Variants in GPR63 observed in about 807,000 individuals in gnomAD.
GPR63 encodes G protein-coupled receptor 63, also known as probable G protein-coupled receptor 63.
In GPR63, 12 loss-of-function variants were observed where a neutral mutation model predicts 23.1. The ratio of observed to expected loss-of-function variants is 0.52; its 90% CI spans 0.33 to 0.84. GPR63 has a LOEUF of 0.84. Among genes scored for constraint, GPR63 ranks in the 40% least tolerant of loss-of-function variants. The pLI, the probability that GPR63 is intolerant of heterozygous loss-of-function variation, is 0.02. For missense variants in GPR63, 472 were observed against 515.6 expected, an observed-to-expected ratio of 0.92 and a Z score of 0.82; for synonymous variants, 172 against 191.1, an observed-to-expected ratio of 0.90 and a Z score of 0.82.
At chr6:96,812,742 T>C (rs1386576797) in intron 1 of GPR63, among the ~76,000 whole-genome samples, 2 of 152,138 alleles carry the variant, frequency 1.3e-5, no homozygotes, top group Non-Finnish European at 2.9e-5. Flanking sequence ...TGCCTATTCA[T>C]GGGGTACATG....
At position 96,798,529 on chromosome 6, in the gene GPR63, C is replaced by G. The variant is rs752190279; in HGVS notation, c.1203G>C (p.Lys401Asn). Residue 401 changes from lysine (K) to asparagine (N), a missense_variant, in exon 2 of 2, where the codon AAG becomes AAC. Physicochemically the swap from Lys to Asn is moderately conservative, Grantham distance 94. Coordinates refer to ENST00000229955, the MANE Select transcript of GPR63 (RefSeq NM_030784.4). The stretch of plus-strand genomic sequence containing the variant: ...AGACAGCACTAGGACGTATCCGTCG[C>G]TTTGTGTGACCAGGGAGCTGCGGCA... ...KFLPQLPGHTKRRIRPSAVYV... is the reference protein window; with the variant it reads ...KFLPQLPGHTNRRIRPSAVYV... The G allele has an allele frequency of 6.2e-7, 1 of 1,614,222 alleles. No homozygotes were observed. Among genetic ancestry groups the G allele is most frequent in the Non-Finnish European group, 8.5e-7 (1 of 1,180,032 alleles).
rs775967111 is a variant in GPR63 at position 96,798,690 on chromosome 6, T to A, written c.1042A>T (p.Asn348Tyr). ...AGCCAGGTGCTAATCTCAAAAAAGT[T>A]GTGCTGATAGTAAAAGTGCTTACTG... Reference protein sequence around the residue: ...TFSKHFYYQHNFFEISTWLLW... With the variant: ...TFSKHFYYQHYFFEISTWLLW... Residue 348 changes from asparagine (N) to tyrosine (Y), a missense_variant, in exon 2 of 2, where the codon AAC (asparagine) becomes TAC (tyrosine). By Grantham distance (143) the Asn-to-Tyr change is moderately radical (BLOSUM62 -2). Coordinates refer to ENST00000229955, the MANE Select transcript of GPR63 (RefSeq NM_030784.4). 3.7e-6 allele frequency: 6 copies of A among 1,614,182 alleles called. No individual in the cohort carries two copies. Among genetic ancestry groups the A allele is most frequent in the Non-Finnish European group, 5.1e-6 (6 of 1,180,028 alleles).
chr6:96,830,447 G>A (rs1286692845), intron 1 of GPR63, among the ~76,000 whole-genome samples: 1 of 152,056 alleles, frequency 6.6e-6, no homozygotes, highest in Non-Finnish European at 1.5e-5. Context: ...TAGTAAAAAG[G>A]AAAATGATAC....
intron 1 of GPR63, among the ~76,000 whole-genome samples, chr6:96,807,350 C>T (rs1031538155): frequency 6.6e-6 from 1 of 152,258 alleles, no homozygotes; most frequent in South Asian, 2.1e-4. Context: ...TGGATACTCA[C>T]TGTGGCAACA....
intron 1 of GPR63, among the ~76,000 whole-genome samples, chr6:96,808,515 G>T (rs1037812195): frequency 6.6e-6 from 1 of 152,108 alleles, no homozygotes. Flanking sequence ...AATCCCAATA[G>T]AACTGAATAT....
At chr6:96,810,928 G>A (rs781196571) in intron 1 of GPR63, among the ~76,000 whole-genome samples, 51 of 152,146 alleles carry the variant, frequency 3.4e-4, no homozygotes, top group Non-Finnish European at 6.5e-4. Flanking sequence ...CCTTGAGGAT[G>A]CAAGCTGCAA....
chr6:96,833,486 G>GTAAA (rs1774644112), intron 1 of GPR63, among the ~76,000 whole-genome samples: 1 of 152,320 alleles, frequency 6.6e-6, no homozygotes, highest in Admixed American at 6.5e-5. Flanking sequence ...GTAGGAAGAT[G>GTAAA]TAAAGATGCC....
chr6:96,803,323 T>G (rs1223151784), intron 1 of GPR63, among the ~76,000 whole-genome samples: 2 of 152,224 alleles, frequency 1.3e-5, no homozygotes, highest in Non-Finnish European at 2.9e-5. Context: ...CACCTGTATA[T>G]GGAAGCCTAC....
intron 1 of GPR63, among the ~76,000 whole-genome samples, chr6:96,805,867 G>C (rs1351813793): frequency 6.6e-6 from 1 of 152,178 alleles, no homozygotes; most frequent in Admixed American, 6.5e-5. Context: ...TTGTCTCTTT[G>C]GCTTTGTACA....
At chr6:96,823,799 A>G (rs1357260307) in intron 1 of GPR63, among the ~76,000 whole-genome samples, 1 of 152,098 alleles carries the variant, frequency 6.6e-6, no homozygotes, top group Non-Finnish European at 1.5e-5. Flanking sequence ...ACGTTTAGAT[A>G]TATAAATGCT....
intron 1 of GPR63, among the ~76,000 whole-genome samples, chr6:96,824,651 A>G (rs776461156): frequency 5.6e-3 from 19 of 3,416 alleles, no homozygotes; most frequent in Admixed American, 0.01. Context: ...TAAAAAAATG[A>G]AAAAAAAAAA....
chr6:96,806,509 C>T (rs950095119), intron 1 of GPR63, among the ~76,000 whole-genome samples: 4 of 152,126 alleles, frequency 2.6e-5, no homozygotes, highest in Non-Finnish European at 4.4e-5. Context: ...GCCACTGAGC[C>T]GAAAGATTTA....
intron 1 of GPR63, among the ~76,000 whole-genome samples, chr6:96,802,540 ATT>A (rs34928062): frequency 6.6e-5 from 9 of 136,380 alleles, no homozygotes; most frequent in Admixed American, 1.5e-4. Flanking sequence ...ATTTTTTCTA[ATT>A]TTTTTTTTTT....
At chr6:96,835,226 A>T (rs539130900) in intron 1 of GPR63, among the ~76,000 whole-genome samples, 7 of 152,158 alleles carry the variant, frequency 4.6e-5, no homozygotes, top group Non-Finnish European at 1.0e-4. Flanking sequence ...GACAAGCCCT[A>T]GCAATAACTA....
In GPR63 at chr6:96,799,638, G is replaced by C. The variant is rs1410261663; in HGVS notation, c.94C>G (p.Pro32Ala). The C allele has an allele frequency of 6.2e-7, 1 of 1,614,100 alleles. No homozygotes were observed. Among genetic ancestry groups the C allele is most frequent in the Non-Finnish European group, 8.5e-7 (1 of 1,180,002 alleles). ...YENTYMNITL[P>A]PPFQHPDLSP... is the part of the protein sequence containing the mutation. ...AGGTCAGGATGCTGGAATGGTGGAG[G>C]GAGTGTAATATTCATGTAGGTGTTT... Residue 32 changes from proline (P) to alanine (A), a missense_variant, in exon 2 of 2, where the codon CCT becomes GCT. By Grantham distance (27) the Pro-to-Ala change is conservative (BLOSUM62 -1). Coordinates refer to ENST00000229955, the MANE Select transcript of GPR63 (RefSeq NM_030784.4).
chr6:96,836,915 C>T (rs770392019), intron 1 of GPR63, among the ~76,000 whole-genome samples: 11 of 152,214 alleles, frequency 7.2e-5, no homozygotes, highest in Middle Eastern at 6.8e-3. Context: ...CCAGAACAGC[C>T]CAGCAGGAAA....
chr6:96,808,899 A>G (rs929390721), intron 1 of GPR63, among the ~76,000 whole-genome samples: 2 of 152,012 alleles, frequency 1.3e-5, no homozygotes, highest in East Asian at 1.9e-4. Flanking sequence ...AGCATTAGGT[A>G]TATCTCCTAA....
chr6:96,809,079 G>GACTGTATCTCTAC (rs1189028812), intron 1 of GPR63, among the ~76,000 whole-genome samples: 1 of 150,460 alleles, frequency 6.6e-6, no homozygotes, highest in Non-Finnish European at 1.5e-5. Flanking sequence ...ATATTATTTT[G>GACTGTATCTCTAC]ACTGTATCTC....
intron 1 of GPR63, among the ~76,000 whole-genome samples, chr6:96,834,082 T>G (rs954521898): frequency 1.3e-5 from 2 of 152,214 alleles, no homozygotes; most frequent in African/African-American, 4.8e-5. Context: ...CTGAATCTTC[T>G]GTCATACAAA....
Sources: allele counts gnomAD v4.1 joint callset (sites outside exome capture counted in the v4.1 genomes callset), GRCh38; gene constraint gnomAD v4.1.1; transcripts MANE v1.5; gene names NCBI Gene and HGNC (gene_info 2026-07-23, HGNC 2026-07-21).